RIMS2: variants seen among roughly 807,000 people sequenced by gnomAD.
The protein encoded by RIMS2 is regulating synaptic membrane exocytosis 2.
Under a neutral mutation model 174.4 loss-of-function variants are expected in RIMS2, and 59 were observed. The observed-to-expected ratio is 0.34, with a 90% confidence interval of 0.27 to 0.42. The LOEUF is 0.42. Ranked by LOEUF, RIMS2 falls within the 10% of genes least tolerant of loss-of-function variation. The pLI is 1.00. For synonymous variants in RIMS2, 606 were observed against 572.5 expected (o/e 1.06, Z -0.84); for missense variants, 1,620 against 1,666.3 (o/e 0.97, Z 0.48).
At chr8:103,587,234 G>C (rs1017617891) in intron 1 of RIMS2, among the ~76,000 whole-genome samples, 7 of 151,834 alleles carry the variant, frequency 4.6e-5, no homozygotes, top group Non-Finnish European at 8.8e-5. Context: ...GTAAAGAAAG[G>C]TCTGTGAACC....
At chr8:103,502,609 T>C (rs1319987273) in intron 1 of RIMS2, among the ~76,000 whole-genome samples, 1 of 152,102 alleles carries the variant, frequency 6.6e-6, no homozygotes, top group Non-Finnish European at 1.5e-5. Flanking sequence ...TTTAGAAGCT[T>C]TTTGAGCATA....
chr8:103,670,219 G>T (rs2096728031), intron 1 of RIMS2, among the ~76,000 whole-genome samples: 1 of 152,248 alleles, frequency 6.6e-6, no homozygotes, highest in Non-Finnish European at 1.5e-5. Context: ...GGCTAGAGCA[G>T]CTGGGATGCA....
At chr8:103,948,942 A>G (rs1489135925) in intron 14 of RIMS2, among the ~76,000 whole-genome samples, 1 of 149,890 alleles carries the variant, frequency 6.7e-6, no homozygotes, top group Non-Finnish European at 1.5e-5. Context: ...CCTGTACAAC[A>G]TAATGAGACC....
chr8:103,580,825 C>A (rs1052040482), intron 1 of RIMS2, among the ~76,000 whole-genome samples: 1 of 113,458 alleles, frequency 8.8e-6, no homozygotes, highest in Non-Finnish European at 1.7e-5. Context: ...AAAGGGAATA[C>A]TTTTTTTTTT....
intron 1 of RIMS2, among the ~76,000 whole-genome samples, chr8:103,640,652 T>G (rs916804128): frequency 7.2e-5 from 11 of 152,172 alleles, no homozygotes; most frequent in African/African-American, 1.7e-4. Context: ...TTCCAGATAT[T>G]TTGAGATTTT....
chr8:104,028,965 T>C (rs1365154116), intron 19 of RIMS2, among the ~76,000 whole-genome samples: 1 of 152,200 alleles, frequency 6.6e-6, no homozygotes, highest in Non-Finnish European at 1.5e-5. Context: ...ATTTTTATGG[T>C]TATTTTTGAT....
At chr8:103,921,967 A>G (rs544495625) in intron 10 of RIMS2, 183 bp downstream of exon 13, 202 of 366,546 alleles carry the variant, frequency 5.5e-4, no homozygotes, top group Non-Finnish European at 7.2e-4. Flanking sequence ...TTCATTTATT[A>G]AGAGTTAGAT....
rs922199609 is a variant in RIMS2 at position 103,912,320 on chromosome 8, C to G, written c.1812+148C>G. 8 of 468,272 alleles carry G rather than the reference C, an allele frequency of 1.7e-5. No homozygotes were observed. The Admixed American group carries it at 2.0e-4, about 12-fold the overall frequency. 29.0% of individuals were successfully genotyped at this position (468,272 alleles called of 1,614,324 possible). A position where few individuals can be genotyped will look rare whatever the true frequency, so the allele number is the denominator to read the frequency against. On this transcript the variant is annotated intron_variant, in intron 6 of 23. Transcript: ENST00000504942. ...GAAGATTCGCACTCATTATCTAAAA[C>G]ATTTCATTTTCCCACTATTATTTAA...
intron 17 of RIMS2, among the ~76,000 whole-genome samples, chr8:103,995,524 G>A (rs999851249): frequency 5.3e-5 from 8 of 151,972 alleles, no homozygotes; most frequent in Admixed American, 3.3e-4. Context: ...ACAAATTCTT[G>A]GAGTCAGGAA....
At chr8:103,833,522 C>T (rs73293817) in intron 3 of RIMS2, among the ~76,000 whole-genome samples, 7,381 of 151,898 alleles carry the variant, frequency 0.049, 268 homozygotes, top group African/African-American at 0.11. Context: ...GTATTTCAGA[C>T]TTTTTATAGA....
chr8:104,020,471 G>A (rs1440707379), intron 19 of RIMS2, among the ~76,000 whole-genome samples: 1 of 151,912 alleles, frequency 6.6e-6, no homozygotes, highest in Non-Finnish European at 1.5e-5. Flanking sequence ...TATTTAAAAT[G>A]TCTATTCTTT....
intron 3 of RIMS2, among the ~76,000 whole-genome samples, chr8:103,830,759 G>T (rs2098820543): frequency 6.6e-6 from 1 of 152,096 alleles, no homozygotes; most frequent in African/African-American, 2.4e-5. Flanking sequence ...GTCAGCTTTT[G>T]CTCTATGTGC....
In RIMS2 at chr8:103,917,555, T is replaced by G. The variant is rs185166503; in HGVS notation, c.2037-886T>G. On this transcript the variant is annotated intron_variant, in intron 8 of 23. Coordinates refer to ENST00000504942, the Ensembl canonical transcript of RIMS2. ...TATTTTTGTTTAATATTTTAAAGAA[T>G]TTATAGTTCTTTATGTAATTTACTG... Among the ~76,000 whole-genome samples, 11 of 152,300 alleles carry G rather than the reference T, an allele frequency of 7.2e-5. No homozygotes were observed. The East Asian group carries it at 1.5e-3, about 21-fold the overall frequency.
chr8:103,933,065 G>C (rs2080332502), intron 12 of RIMS2, among the ~76,000 whole-genome samples: 1 of 152,094 alleles, frequency 6.6e-6, no homozygotes, highest in African/African-American at 2.4e-5. Flanking sequence ...GGCCGAGGTG[G>C]GCAGATCACG....
chr8:103,763,013 C>G (rs1242638831), intron 2 of RIMS2, among the ~76,000 whole-genome samples: 1 of 152,118 alleles, frequency 6.6e-6, no homozygotes, highest in Non-Finnish European at 1.5e-5. Context: ...TATTGTTATG[C>G]AGCACATGGC....
intron 1 of RIMS2, among the ~76,000 whole-genome samples, chr8:103,593,575 T>G (rs2094356133): frequency 2.0e-5 from 3 of 151,476 alleles, no homozygotes; most frequent in Non-Finnish European, 3.0e-5. Context: ...AACCCAAATT[T>G]TCTTCATTTA....
At chr8:103,931,344 G>C in exon 12 of RIMS2, 1 of 1,605,218 alleles carries the variant, frequency 6.2e-7, no homozygotes, top group Non-Finnish European at 8.5e-7. Context: ...CAGGGAAGAT[G>C]GGAGGCCAAG....
At chr8:103,984,994 T>C (rs527378759) in intron 16 of RIMS2, among the ~76,000 whole-genome samples, 46 of 152,142 alleles carry the variant, frequency 3.0e-4, no homozygotes, top group Admixed American at 5.9e-4. Flanking sequence ...CAAAACAATT[T>C]AACATATGGA....
At chr8:103,670,870 G>A (rs1161795151) in intron 1 of RIMS2, among the ~76,000 whole-genome samples, 1 of 152,204 alleles carries the variant, frequency 6.6e-6, no homozygotes, top group Non-Finnish European at 1.5e-5. Context: ...TCTCTGGACT[G>A]TTACCCAGTT....
Sources: allele counts gnomAD v4.1 joint callset (sites outside exome capture counted in the v4.1 genomes callset), GRCh38; gene constraint gnomAD v4.1.1; transcripts MANE v1.5; gene names NCBI Gene and HGNC (gene_info 2026-07-23, HGNC 2026-07-21).